RABGAP1L: variants seen among roughly 807,000 people sequenced by gnomAD.
The protein encoded by RABGAP1L is rab GTPase-activating protein 1-like.
In RABGAP1L, 63 loss-of-function variants were observed where a neutral mutation model predicts 137.7. The observed-to-expected ratio is 0.46, with a 90% CI of 0.37 to 0.56. RABGAP1L has a LOEUF of 0.56. RABGAP1L is among the 20% of genes least tolerant of loss of function. The pLI is 0.00. For missense variants in RABGAP1L, 1,095 were observed against 1,244.0 expected, an observed-to-expected ratio of 0.88 and a Z score of 1.80; for synonymous variants, 431 against 433.7, an observed-to-expected ratio of 0.99 and a Z score of 0.08.
intron 13 of RABGAP1L, among the ~76,000 whole-genome samples, chr1:174,488,191 CTT>C (rs2149346079): frequency 6.6e-6 from 1 of 152,030 alleles, no homozygotes; most frequent in East Asian, 1.9e-4. Context: ...GAACTACTCT[CTT>C]TAGCACTTCT....
At chr1:174,348,182 A>T (rs975799807) in intron 11 of RABGAP1L, among the ~76,000 whole-genome samples, 5 of 150,764 alleles carry the variant, frequency 3.3e-5, no homozygotes, top group Admixed American at 6.6e-5. Context: ...TTTTGACTTG[A>T]GTTACCCTGA....
chr1:174,853,228 G>T (rs967052740), intron 19 of RABGAP1L, among the ~76,000 whole-genome samples: 85 of 138,814 alleles, frequency 6.1e-4, no homozygotes, highest in Non-Finnish European at 9.7e-4. Flanking sequence ...AGGCTGGGTT[G>T]TTTTTTTTTT....
chr1:174,633,371 A>G (rs534986211), intron 13 of RABGAP1L, among the ~76,000 whole-genome samples: 11 of 149,392 alleles, frequency 7.4e-5, no homozygotes, highest in African/African-American at 2.0e-4. Context: ...CCACTGCTCA[A>G]GGAAATAAAA....
At chr1:174,414,910 G>GAA (rs147319148) in intron 13 of RABGAP1L, among the ~76,000 whole-genome samples, 11 of 149,798 alleles carry the variant, frequency 7.3e-5, no homozygotes, top group Admixed American at 4.6e-4. Flanking sequence ...CTATCAAATA[G>GAA]AAAAAAAAAT....
At chr1:174,176,713 G>GGAAAAAAAAAAAAAAAA (rs1232596038) in intron 1 of RABGAP1L, among the ~76,000 whole-genome samples, 1 of 21,548 alleles carries the variant, frequency 4.6e-5, no homozygotes, top group African/African-American at 1.4e-4. Flanking sequence ...CCCTTTTTCA[G>GGAAAAAAAAAAAAAAAA]AAAAAAAAAA....
chr1:174,168,129 G>C (rs923373631), intron 1 of RABGAP1L, among the ~76,000 whole-genome samples: 1 of 152,020 alleles, frequency 6.6e-6, no homozygotes, highest in Non-Finnish European at 1.5e-5. Context: ...GCCGAATGTG[G>C]TGGTGTGTGC....
chr1:174,635,037 A>G (rs1201430349), intron 13 of RABGAP1L, among the ~76,000 whole-genome samples: 1 of 151,472 alleles, frequency 6.6e-6, no homozygotes, highest in African/African-American at 2.4e-5. Flanking sequence ...GTATAATAAA[A>G]AATAAAATAA....
chr1:174,390,136 G>A (rs1687104184), intron 12 of RABGAP1L, among the ~76,000 whole-genome samples: 1 of 152,120 alleles, frequency 6.6e-6, no homozygotes, highest in African/African-American at 2.4e-5. Context: ...TCAAGTGATA[G>A]GGTGCTGTAT....
In RABGAP1L at chr1:174,822,000, C is replaced by G. The variant is rs1230145126; in HGVS notation, c.2340+10040C>G. On this transcript the variant is annotated intron_variant, in intron 19 of 25. Coordinates refer to ENST00000681986, the MANE Select transcript of RABGAP1L (RefSeq NM_001366446.1). ...TAATAAAGCTGGGTGCGGTGGCTCA[C>G]GCCTGTAATCCCAGCCCTTTGGGAG... Among the ~76,000 whole-genome samples the G allele has an allele frequency of 3.3e-5, 5 of 152,212 alleles. No individual in the cohort carries two copies. The East Asian group carries it at 7.7e-4, about 23-fold the overall frequency.
chr1:174,507,624 A>T (rs1252874633), intron 13 of RABGAP1L, among the ~76,000 whole-genome samples: 1 of 152,142 alleles, frequency 6.6e-6, no homozygotes, highest in East Asian at 1.9e-4. Context: ...AAAGAAAAAA[A>T]ATCAAACCAA....
intron 19 of RABGAP1L, among the ~76,000 whole-genome samples, chr1:174,891,355 T>C (rs1290561194): frequency 6.6e-6 from 1 of 152,210 alleles, no homozygotes; most frequent in Non-Finnish European, 1.5e-5. Context: ...GTAACTGATA[T>C]TTTAAATTCT....
intron 18 of RABGAP1L, among the ~76,000 whole-genome samples, chr1:174,792,362 C>T (rs1189636843): frequency 1.3e-5 from 2 of 152,170 alleles, no homozygotes; most frequent in African/African-American, 2.4e-5. Context: ...GTCCAGAAAC[C>T]ACCTCATAGG....
At chr1:174,971,251 A>T (rs1670102047) in intron 21 of RABGAP1L, among the ~76,000 whole-genome samples, 1 of 151,042 alleles carries the variant, frequency 6.6e-6, no homozygotes. Flanking sequence ...TATAATATGC[A>T]TATTATATAT....
chr1:174,532,727 A>T (rs576322284), intron 13 of RABGAP1L, among the ~76,000 whole-genome samples: 1 of 152,334 alleles, frequency 6.6e-6, no homozygotes, highest in East Asian at 1.9e-4. Flanking sequence ...CTATTAATAG[A>T]AATATCTCAT....
rs36019314 is a variant in RABGAP1L at position 174,420,199 on chromosome 1, C to CTTT, written c.1710+26071_1710+26073dup. The stretch of plus-strand genomic sequence containing the variant: ...TTAAGGTTCTTGGAGGCCCAACCTC[C>CTTT]TTTTTTTTTTTTTTTTTTTAAATGG... On this transcript the variant is annotated intron_variant, in intron 13 of 25. Coordinates refer to ENST00000681986, the MANE Select transcript of RABGAP1L (RefSeq NM_001366446.1). Among the ~76,000 whole-genome samples, 13 of 135,236 alleles carry CTTT rather than the reference C, an allele frequency of 9.6e-5. No homozygotes were observed. In the Admixed American group the frequency reaches 9.6e-4, roughly 10 times the overall value. 88.7% of individuals were successfully genotyped at this position (135,236 alleles called of 152,430 possible).
intron 13 of RABGAP1L, among the ~76,000 whole-genome samples, chr1:174,628,892 T>C (rs1673113556): frequency 6.6e-6 from 1 of 152,138 alleles, no homozygotes; most frequent in Admixed American, 6.6e-5. Context: ...TTCATATCAG[T>C]TTTGGTTGTG....
intron 19 of RABGAP1L, among the ~76,000 whole-genome samples, chr1:174,935,707 C>G (rs1178507493): frequency 1.3e-5 from 2 of 152,132 alleles, no homozygotes; most frequent in Non-Finnish European, 2.9e-5. Flanking sequence ...CTTGGCCAGG[C>G]ACAGTGGCTC....
At chr1:174,311,252 G>A (rs1678817304) in intron 11 of RABGAP1L, among the ~76,000 whole-genome samples, 1 of 152,168 alleles carries the variant, frequency 6.6e-6, no homozygotes, top group Admixed American at 6.5e-5. Context: ...CGGCAGGAGA[G>A]AGAGTGAGAG....
intron 13 of RABGAP1L, among the ~76,000 whole-genome samples, chr1:174,461,974 T>C (rs1407570571): frequency 1.3e-5 from 2 of 152,172 alleles, no homozygotes; most frequent in Non-Finnish European, 2.9e-5. Context: ...CTTATTCCCA[T>C]TGTGATTATA....
Sources: allele counts gnomAD v4.1 joint callset (sites outside exome capture counted in the v4.1 genomes callset), GRCh38; gene constraint gnomAD v4.1.1; transcripts MANE v1.5; gene names NCBI Gene and HGNC (gene_info 2026-07-23, HGNC 2026-07-21).